Variants in TPST1 observed in about 807,000 individuals in gnomAD.
The protein encoded by TPST1 is protein-tyrosine sulfotransferase 1.
In TPST1, 20 loss-of-function variants were observed where a neutral mutation model predicts 34.8. That is an observed-to-expected ratio of 0.57 (90% CI 0.40 to 0.84). The LOEUF is 0.84. Ranked by LOEUF, TPST1 falls within the 40% of genes least tolerant of loss-of-function variation. The probability of loss-of-function intolerance (pLI) is 0.00; values close to 1 mark genes in which losing one functional copy is unlikely to be tolerated. For missense variants in TPST1, 353 were observed against 455.5 expected (o/e 0.78, Z 2.05); for synonymous variants, 152 against 159.4 (o/e 0.95, Z 0.35).
At chr7:66,343,027 A>G (rs1792271035) in intron 3 of TPST1, among the ~76,000 whole-genome samples, 1 of 152,122 alleles carries the variant, frequency 6.6e-6, no homozygotes, top group Non-Finnish European at 1.5e-5. Context: ...CACTTGTGAA[A>G]GTCACGGCCC....
chr7:66,275,120 G>A (rs2115836048), intron 2 of TPST1, among the ~76,000 whole-genome samples: 1 of 152,252 alleles, frequency 6.6e-6, no homozygotes, highest in African/African-American at 2.4e-5. Context: ...CGTGAACCCG[G>A]GAGGCAGAGC....
chr7:66,342,764 A>G (rs908965326), intron 3 of TPST1, among the ~76,000 whole-genome samples: 1 of 152,150 alleles, frequency 6.6e-6, no homozygotes, highest in African/African-American at 2.4e-5. Flanking sequence ...ATCTCGCACC[A>G]GGTCTTGCGT....
intron 2 of TPST1, among the ~76,000 whole-genome samples, chr7:66,286,301 C>A (rs943669892): frequency 9.2e-5 from 14 of 152,116 alleles, no homozygotes; most frequent in African/African-American, 3.4e-4. Flanking sequence ...TTCCCAATTT[C>A]TAGAAATCTG....
At chr7:66,346,514 AG>A (rs1792355647) in intron 3 of TPST1, among the ~76,000 whole-genome samples, 1 of 152,170 alleles carries the variant, frequency 6.6e-6, no homozygotes. Flanking sequence ...TTTGGATAAA[AG>A]CCATTTTAAC....
chr7:66,338,058 A>C (rs1322830334), intron 3 of TPST1, among the ~76,000 whole-genome samples: 1 of 152,208 alleles, frequency 6.6e-6, no homozygotes, highest in Non-Finnish European at 1.5e-5. Context: ...ATGGATTAAA[A>C]AACAAGACCC....
intron 2 of TPST1, among the ~76,000 whole-genome samples, chr7:66,256,539 T>A (rs1256122256): frequency 6.6e-6 from 1 of 152,210 alleles, no homozygotes; most frequent in South Asian, 2.1e-4. Context: ...CTTAGTTTCT[T>A]GCTGTGTGTT....
In TPST1 at chr7:66,304,114, G is replaced by A. The variant is rs530090963; in HGVS notation, c.1044+17405G>A. On this transcript the variant is annotated intron_variant, in intron 3 of 5. Transcript: ENST00000304842. ...ATTAAGGCCTGTGCAAATATGGGAGGACTAGAGAAGTGAAGGTCTGCACGT... is the reference window on the plus strand; with the variant it reads ...ATTAAGGCCTGTGCAAATATGGGAGAACTAGAGAAGTGAAGGTCTGCACGT... Among the ~76,000 whole-genome samples the A allele has an allele frequency of 2.6e-5, 4 of 152,186 alleles. 1 individual carries two copies. In the South Asian group the frequency reaches 8.3e-4, roughly 31 times the overall value.
chr7:66,325,277 C>T (rs1422535292), intron 3 of TPST1, among the ~76,000 whole-genome samples: 1 of 152,180 alleles, frequency 6.6e-6, no homozygotes, highest in Non-Finnish European at 1.5e-5. Context: ...CAGTGACTTC[C>T]ACCTGGTCTC....
chr7:66,326,465 A>G lies in TPST1; in HGVS notation c.1045-26040A>G, dbSNP rs146178704. Among the ~76,000 whole-genome samples, 163 of 152,344 alleles carry G rather than the reference A, an allele frequency of 1.1e-3. 2 individuals are homozygous for G. The Middle Eastern group carries it at 0.017, about 16-fold the overall frequency. On this transcript the variant is annotated intron_variant, in intron 3 of 5. Coordinates refer to ENST00000304842, the MANE Select transcript of TPST1 (RefSeq NM_003596.4). ...ATTACTGTTGACTTTACTTGTATAT[A>G]TTAACTGTCTTTCAGTGTCTCTGAA...
intron 4 of TPST1, among the ~76,000 whole-genome samples, chr7:66,353,502 T>C (rs1792522039): frequency 6.6e-6 from 1 of 152,140 alleles, no homozygotes; most frequent in Admixed American, 6.5e-5. Flanking sequence ...TTCAGAGTTT[T>C]CCCTGTAACG....
intron 2 of TPST1, among the ~76,000 whole-genome samples, chr7:66,280,878 T>C (rs1790919747): frequency 1.3e-5 from 2 of 152,230 alleles, no homozygotes; most frequent in East Asian, 3.8e-4. Context: ...ATAAAGATTG[T>C]TTAATATAAT....
chr7:66,269,708 A>G (rs972036080), intron 2 of TPST1, among the ~76,000 whole-genome samples: 2 of 152,048 alleles, frequency 1.3e-5, no homozygotes, highest in Non-Finnish European at 2.9e-5. Flanking sequence ...TTTTTAAAAA[A>G]GAAGGAGTTG....
intron 2 of TPST1, among the ~76,000 whole-genome samples, chr7:66,265,623 A>C (rs536295802): frequency 2.6e-5 from 4 of 152,180 alleles, no homozygotes; most frequent in African/African-American, 4.8e-5. Context: ...AATTTGATGG[A>C]AAAGCATGCA....
chr7:66,320,113 A>G (rs150768963), intron 3 of TPST1, among the ~76,000 whole-genome samples: 1 of 152,096 alleles, frequency 6.6e-6, no homozygotes. Context: ...TCCCAATTAT[A>G]TGTGTTATTC....
chr7:66,312,925 A>G (rs1791559826), intron 3 of TPST1, among the ~76,000 whole-genome samples: 1 of 152,156 alleles, frequency 6.6e-6, no homozygotes, highest in Non-Finnish European at 1.5e-5. Context: ...CAAATGTGTC[A>G]TTGTGGAAGA....
intron 1 of TPST1, among the ~76,000 whole-genome samples, chr7:66,220,844 C>G (rs181992241): frequency 3.9e-5 from 6 of 152,154 alleles, no homozygotes; most frequent in Non-Finnish European, 8.8e-5. Flanking sequence ...TTAGAAAGGT[C>G]GTTCCTGGCT....
At chr7:66,348,845 G>T (rs1792407993) in intron 3 of TPST1, among the ~76,000 whole-genome samples, 1 of 152,144 alleles carries the variant, frequency 6.6e-6, no homozygotes, top group Non-Finnish European at 1.5e-5. Context: ...TCAGACAGCT[G>T]CCCACTGAAT....
At chr7:66,234,801 C>G (rs1340572561) in intron 1 of TPST1, among the ~76,000 whole-genome samples, 1 of 151,906 alleles carries the variant, frequency 6.6e-6, no homozygotes, top group Non-Finnish European at 1.5e-5. Flanking sequence ...CTCAGCCTCC[C>G]CAGTAGCTGG....
chr7:66,234,776 A>G lies in TPST1; in HGVS notation c.-101-5549A>G, dbSNP rs533099791. Among the ~76,000 whole-genome samples the G allele has an allele frequency of 2.0e-5, 3 of 152,258 alleles. No homozygotes were observed. In the East Asian group the frequency reaches 5.8e-4, roughly 29 times the overall value. ...ACTGCAAGCTCCACCTCCCGGGTTCATGCCATTCTCCTGCCTCAGCCTCCC... is the reference window on the plus strand; with the variant it reads ...ACTGCAAGCTCCACCTCCCGGGTTCGTGCCATTCTCCTGCCTCAGCCTCCC... On this transcript the variant is annotated intron_variant, in intron 1 of 5. Transcript: ENST00000304842.
Sources: allele counts gnomAD v4.1 joint callset (sites outside exome capture counted in the v4.1 genomes callset), GRCh38; gene constraint gnomAD v4.1.1; transcripts MANE v1.5; gene names NCBI Gene and HGNC (gene_info 2026-07-23, HGNC 2026-07-21).